TRIM59: variants seen among roughly 807,000 people sequenced by gnomAD.
TRIM59 encodes the protein tripartite motif-containing protein 59.
A neutral mutation model predicts 32.2 loss-of-function variants in TRIM59; 14 were observed. The observed-to-expected ratio is 0.43, with a 90% CI of 0.29 to 0.68. The LOEUF (loss-of-function observed/expected upper bound fraction) is 0.68, where lower values mean the gene tolerates loss of function less well. TRIM59 is among the 30% of genes least tolerant of loss of function. The pLI, the probability that TRIM59 is intolerant of heterozygous loss-of-function variation, is 0.15. For synonymous variants in TRIM59, 163 were observed against 155.1 expected (o/e 1.05, Z -0.38); for missense variants, 471 against 463.3 (o/e 1.02, Z -0.15).
chr3:160,443,255 T>C (rs1403571604), intron 2 of TRIM59, among the ~76,000 whole-genome samples: 2 of 152,170 alleles, frequency 1.3e-5, no homozygotes, highest in African/African-American at 4.8e-5. Context: ...AACAAAAAAT[T>C]AACCTATGTA....
intron 2 of TRIM59, among the ~76,000 whole-genome samples, chr3:160,441,696 G>A (rs189190491): frequency 6.7e-5 from 10 of 148,528 alleles, no homozygotes; most frequent in African/African-American, 2.2e-4. Flanking sequence ...AGAGCTTGCA[G>A]TGAGCCAAGT....
chr3:160,448,982 ACT>A lies in TRIM59; in HGVS notation c.-73-189_-73-188del, dbSNP rs1233269237. On this transcript the variant is annotated intron_variant, in intron 1 of 2. Transcript: ENST00000309784. The stretch of plus-strand genomic sequence containing the variant: ...TATCGCTTGTTCCTTGAAAATCCTA[ACT>A]CTGACCAAACAGACTGTCACAAAGG... 98 of 302,004 alleles carry A rather than the reference ACT, an allele frequency of 3.2e-4. 1 individual carries two copies. Among genetic ancestry groups the A allele is most frequent in the Non-Finnish European group, 1.1e-4 (17 of 156,974 alleles). 18.7% of individuals were successfully genotyped at this position (302,004 alleles called of 1,614,324 possible). A position where few individuals can be genotyped will look rare whatever the true frequency, so the allele number is the denominator to read the frequency against.
rs1719723776 is a variant in TRIM59 at position 160,449,701 on chromosome 3, AG to A, written c.-74+15del. The A allele has an allele frequency of 1.6e-6, 2 of 1,289,996 alleles. No individual in the cohort carries two copies. The highest frequency in any genetic ancestry group is 2.0e-6 in the Non-Finnish European group (2 of 988,972). 79.9% of individuals were successfully genotyped at this position (1,289,996 alleles called of 1,614,324 possible). A position where few individuals can be genotyped will look rare whatever the true frequency, so the allele number is the denominator to read the frequency against. ...AGAACCACCTTCTCCGCATCCGTAAAGGTCCTTAGACTCACCGCGGGGAGGA... is the reference window on the plus strand; with the variant it reads ...AGAACCACCTTCTCCGCATCCGTAAAGTCCTTAGACTCACCGCGGGGAGGA... On this transcript the variant is annotated intron_variant, in intron 1 of 2. Transcript: ENST00000309784.
intron 2 of TRIM59, 92 bp from the exon 3 acceptor site, chr3:160,439,278 A>ACTG: frequency 9.6e-7 from 1 of 1,038,776 alleles, no homozygotes; most frequent in Non-Finnish European, 1.3e-6. Context: ...TTGTTACCAT[A>ACTG]CTGCTTGTCA....
chr3:160,438,741 A>G lies in TRIM59; in HGVS notation c.443T>C (p.Leu148Pro). 1 of 1,614,082 alleles carries G rather than the reference A, an allele frequency of 6.2e-7. No individual in the cohort carries two copies. The highest frequency in any genetic ancestry group is 1.7e-5 in the Admixed American group (1 of 60,014). Residue 148 changes from leucine to proline, a missense_variant, in exon 3 of 3, where the codon CTG (leucine) becomes CCG (proline). Physicochemically the swap from Leu to Pro is moderately conservative, Grantham distance 98. Transcript: ENST00000309784. ...YLKEKDTPQKLLEQLTDTHWT... is the reference protein window; with the variant it reads ...YLKEKDTPQKPLEQLTDTHWT... ...GTGTGTGTCAGTCAACTGTTCAAGC[A>G]GTTTTTGAGGAGTGTCCTTTTCTTT...
At position 160,436,057 on chromosome 3, in the gene TRIM59, A is replaced by G; in HGVS notation, c.*1915T>C. 2 of 1,178,384 alleles carry G rather than the reference A, an allele frequency of 1.7e-6. No individual in the cohort carries two copies. The highest frequency in any genetic ancestry group is 2.1e-6 in the Non-Finnish European group (2 of 937,144). The allele number at this position is 1,178,384 out of a possible 1,614,324, so 73.0% of individuals were successfully genotyped here. A position where few individuals can be genotyped will look rare whatever the true frequency, so the allele number is the denominator to read the frequency against. On this transcript the variant is annotated 3_prime_UTR_variant, in exon 3 of 3. Coordinates refer to ENST00000309784, the MANE Select transcript of TRIM59 (RefSeq NM_173084.3). Reference sequence around the variant, plus strand: ...AGTGCAACTTAGTATTTTTATCTCTAGCTGAGTATGTGTCTCTCCTTACCT... The same window carrying G: ...AGTGCAACTTAGTATTTTTATCTCTGGCTGAGTATGTGTCTCTCCTTACCT...
chr3:160,436,411 A>G lies in TRIM59; in HGVS notation c.*1561T>C. On this transcript the variant is annotated 3_prime_UTR_variant, in exon 3 of 3. Coordinates refer to ENST00000309784, the MANE Select transcript of TRIM59 (RefSeq NM_173084.3). ...TTAGAGTTGCATGGACAGTGGGCCA[A>G]AAGTCGTAACACATGCATCATAACT... The G allele has an allele frequency of 1.0e-6, 1 of 985,966 alleles. No individual in the cohort carries two copies. Among genetic ancestry groups the G allele is most frequent in the Admixed American group, 6.1e-5 (1 of 16,284 alleles). 61.1% of individuals were successfully genotyped at this position (985,966 alleles called of 1,614,324 possible).
At position 160,436,261 on chromosome 3, in the gene TRIM59, A is replaced by G. The variant is rs1718939441; in HGVS notation, c.*1711T>C. The G allele has an allele frequency of 6.1e-6, 6 of 991,712 alleles. No individual in the cohort carries two copies. Among genetic ancestry groups the G allele is most frequent in the Non-Finnish European group, 6.0e-6 (5 of 833,842 alleles). 61.4% of individuals were successfully genotyped at this position (991,712 alleles called of 1,614,324 possible). A position where few individuals can be genotyped will look rare whatever the true frequency, so the allele number is the denominator to read the frequency against. On this transcript the variant is annotated 3_prime_UTR_variant, in exon 3 of 3. Coordinates refer to ENST00000309784, the MANE Select transcript of TRIM59 (RefSeq NM_173084.3). ...CTGTATTTATGATAGTTTATGTGCA[A>G]TCTGTAGGGCCAGGAGCATAGTCTA...
In TRIM59 at chr3:160,438,276, G is replaced by C. The variant is rs761236486; in HGVS notation, c.908C>G (p.Pro303Arg). ...EIGQIKNVLI[P>R]KMKISPKRMS... ...CCTTTTTGGAGAAATTTTCATTTTGGGAATGAGAACGTTCTTAATTTGTCC... is the reference window on the plus strand; with the variant it reads ...CCTTTTTGGAGAAATTTTCATTTTGCGAATGAGAACGTTCTTAATTTGTCC... The change falls in exon 3 of 3, where the codon CCC becomes CGC. Residue 303 changes from proline to arginine, a missense_variant. By Grantham distance (103) the Pro-to-Arg change is moderately radical. Transcript: ENST00000309784. 9 of 1,613,584 alleles carry C rather than the reference G, an allele frequency of 5.6e-6. No homozygotes were observed. Among genetic ancestry groups the C allele is most frequent in the Middle Eastern group, 1.7e-4 (1 of 6,058 alleles).
Position 160,436,085 on chromosome 3 carries a change from A to G in TRIM59, c.*1887T>C, listed in dbSNP as rs1718928951. 4.5e-6 allele frequency: 5 copies of G among 1,120,344 alleles called. No individual in the cohort carries two copies. The highest frequency in any genetic ancestry group is 4.2e-4 in the Middle Eastern group (1 of 2,400). The allele number at this position is 1,120,344 out of a possible 1,614,324, so 69.4% of individuals were successfully genotyped here. A position where few individuals can be genotyped will look rare whatever the true frequency, so the allele number is the denominator to read the frequency against. ...TGAGTATGTGTCTCTCCTTACCTCT[A>G]CTATGCCCTTTAAATGTTCTTTGCC... On this transcript the variant is annotated 3_prime_UTR_variant, in exon 3 of 3. Coordinates refer to ENST00000309784, the MANE Select transcript of TRIM59 (RefSeq NM_173084.3).
intron 2 of TRIM59, among the ~76,000 whole-genome samples, chr3:160,439,755 A>C (rs575851841): frequency 1.3e-5 from 2 of 152,322 alleles, no homozygotes; most frequent in East Asian, 3.9e-4. Flanking sequence ...TGAGTCCATT[A>C]AACCTCTTTT....
Position 160,438,455 on chromosome 3 carries a change from T to C in TRIM59, c.729A>G (p.Gln243=). ...CAAGAAATTTAAGTGGAGACTCTTCTTGTAAAGATATTGTCAGTGCCATTA... is the reference window on the plus strand; with the variant it reads ...CAAGAAATTTAAGTGGAGACTCTTCCTGTAAAGATATTGTCAGTGCCATTA... The part of the protein sequence containing the change: ...LELMALTISL[Q]EESPLKFLEK... Residue 243 remains glutamine (Q), a synonymous_variant, in exon 3 of 3, where the codon CAA becomes CAG. Transcript: ENST00000309784. The C allele has an allele frequency of 6.2e-7, 1 of 1,614,050 alleles. No homozygotes were observed. Among genetic ancestry groups the C allele is most frequent in the Non-Finnish European group, 8.5e-7 (1 of 1,179,996 alleles).
chr3:160,445,188 G>A (rs948228843), intron 2 of TRIM59, among the ~76,000 whole-genome samples: 1 of 152,166 alleles, frequency 6.6e-6, no homozygotes, highest in East Asian at 1.9e-4. Flanking sequence ...GCCAAGGTGG[G>A]AGGATCACTT....
At chr3:160,447,551 G>A (rs1453207655) in intron 2 of TRIM59, among the ~76,000 whole-genome samples, 1 of 152,144 alleles carries the variant, frequency 6.6e-6, no homozygotes, top group African/African-American at 2.4e-5. Context: ...TGGCATATTA[G>A]GTAATAGACA....
At position 160,439,175 on chromosome 3, in the gene TRIM59, A is replaced by G. The variant is rs116073650; in HGVS notation, c.9T>C (p.Asn3=). Reference sequence around the variant, plus strand: ...TGGGACAAGTTAACTCTTCCTCAAAATTGTGCATTTCCTGTCAAGAGAAAA... The same window carrying G: ...TGGGACAAGTTAACTCTTCCTCAAAGTTGTGCATTTCCTGTCAAGAGAAAA... MH[N]FEEELTCPIC... The change falls in exon 3 of 3, where the codon AAT becomes AAC. Residue 3 remains asparagine (N), a synonymous_variant. Coordinates refer to ENST00000309784, the MANE Select transcript of TRIM59 (RefSeq NM_173084.3). 2.1e-4 allele frequency: 309 copies of G among 1,491,524 alleles called. 1 individual carries two copies. In the African/African-American group the frequency reaches 3.7e-3, roughly 18 times the overall value. 92.4% of individuals were successfully genotyped at this position (1,491,524 alleles called of 1,614,324 possible).
In TRIM59 at chr3:160,449,766, C is replaced by A; in HGVS notation, c.-123G>T. ...ACTCCACAGCACGGAAACACAGCGC[C>A]ACGAGCTCCAGGCGGATGCTGAGAG... is the stretch of plus-strand genomic sequence containing the variant. On this transcript the variant is annotated 5_prime_UTR_variant, in exon 1 of 3. Coordinates refer to ENST00000309784, the MANE Select transcript of TRIM59 (RefSeq NM_173084.3). 7.8e-7 allele frequency: 1 copy of A among 1,281,016 alleles called. No homozygotes were observed. Among genetic ancestry groups the A allele is most frequent in the Non-Finnish European group, 1.0e-6 (1 of 980,810 alleles). The allele number at this position is 1,281,016 out of a possible 1,614,324, so 79.4% of individuals were successfully genotyped here. A position where few individuals can be genotyped will look rare whatever the true frequency, so the allele number is the denominator to read the frequency against.
chr3:160,446,095 C>T (rs911662306), intron 2 of TRIM59, among the ~76,000 whole-genome samples: 1 of 152,080 alleles, frequency 6.6e-6, no homozygotes, highest in Admixed American at 6.5e-5. Context: ...CAGCTGTGAG[C>T]CACCATGACC....
intron 2 of TRIM59, among the ~76,000 whole-genome samples, chr3:160,445,294 T>G (rs1719465584): frequency 6.6e-6 from 1 of 151,904 alleles, no homozygotes; most frequent in South Asian, 2.1e-4. Flanking sequence ...GCACGCCTGT[T>G]AGTCCCAGCT....
rs1719576805 is a variant in TRIM59 at position 160,447,093 on chromosome 3, A to G, written c.-4+1633T>C. ...AATGTATTTAATACCACCAAACTGC[A>G]TACTTAAAAAGATTAAAATGGTAAA... On this transcript the variant is annotated intron_variant, in intron 2 of 2. Coordinates refer to ENST00000309784, the MANE Select transcript of TRIM59 (RefSeq NM_173084.3). Among the ~76,000 whole-genome samples, 2 of 152,206 alleles carry G rather than the reference A, an allele frequency of 1.3e-5. 1 individual carries two copies. The highest frequency in any genetic ancestry group is 4.1e-4 in the South Asian group (2 of 4,836).
Sources: allele counts gnomAD v4.1 joint callset (sites outside exome capture counted in the v4.1 genomes callset), GRCh38; gene constraint gnomAD v4.1.1; transcripts MANE v1.5; gene names NCBI Gene and HGNC (gene_info 2026-07-23, HGNC 2026-07-21).